The following NRG2 variants were observed in gnomAD, a reference collection of about 807,000 sequenced individuals.
The protein encoded by NRG2 is neuregulin 2.
In NRG2, 27 loss-of-function variants were observed where a neutral mutation model predicts 73.9. The ratio of observed to expected loss-of-function variants is 0.37; its 90% confidence interval spans 0.27 to 0.50. The LOEUF is 0.50. Ranked by LOEUF, NRG2 falls within the 20% of genes least tolerant of loss-of-function variation. NRG2 has a pLI of 0.96. For missense variants in NRG2, 1,126 were observed against 1,210.1 expected, an observed-to-expected ratio of 0.93 and a Z score of 1.03; for synonymous variants, 532 against 541.0, an observed-to-expected ratio of 0.98 and a Z score of 0.23.
chr5:139,956,148 C>T (rs962653075), intron 1 of NRG2, among the ~76,000 whole-genome samples: 1 of 152,112 alleles, frequency 6.6e-6, no homozygotes, highest in East Asian at 1.9e-4. Flanking sequence ...AACTCCCCCA[C>T]CCCATTCACA....
chr5:140,000,362 T>C (rs1423395736), intron 1 of NRG2, among the ~76,000 whole-genome samples: 1 of 152,230 alleles, frequency 6.6e-6, no homozygotes, highest in Admixed American at 6.5e-5. Flanking sequence ...GCTTTTGCAC[T>C]ACCCTTCCAG....
intron 1 of NRG2, among the ~76,000 whole-genome samples, chr5:140,029,242 A>T (rs1760943023): frequency 6.6e-6 from 1 of 152,238 alleles, no homozygotes; most frequent in Admixed American, 6.5e-5. Context: ...ACTCAAAAAA[A>T]TTAAGGGACT....
chr5:139,939,651 C>T (rs775409339), intron 1 of NRG2, among the ~76,000 whole-genome samples: 2 of 152,112 alleles, frequency 1.3e-5, no homozygotes, highest in African/African-American at 4.8e-5. Flanking sequence ...AAAACTTCTG[C>T]TCTTCAAGTG....
intron 1 of NRG2, among the ~76,000 whole-genome samples, chr5:139,911,006 T>TC (rs1034592668): frequency 6.6e-6 from 1 of 151,552 alleles, no homozygotes; most frequent in African/African-American, 2.4e-5. Flanking sequence ...GTGGGGAGCC[T>TC]CCCCTGGCTC....
At chr5:139,905,918 C>A (rs1765195888) in intron 1 of NRG2, among the ~76,000 whole-genome samples, 1 of 152,206 alleles carries the variant, frequency 6.6e-6, no homozygotes, top group Non-Finnish European at 1.5e-5. Flanking sequence ...TTGGTTCATT[C>A]CCTCTTCCTA....
At position 139,913,420 on chromosome 5, in the gene NRG2, C is replaced by T. The variant is rs1221851351; in HGVS notation, c.701-25909G>A. Among the ~76,000 whole-genome samples the T allele has an allele frequency of 3.9e-5, 6 of 152,306 alleles. No individual in the cohort carries two copies. The South Asian group carries it at 6.2e-4, about 16-fold the overall frequency. The stretch of plus-strand genomic sequence containing the variant: ...AATTGCTTGCATTGTTTTGGGTTTC[C>T]GACTGATGTCCAGTGGAGTACTTCC... On this transcript the variant is annotated intron_variant, in intron 1 of 9. Transcript: ENST00000361474.
chr5:140,025,770 C>T (rs1208259505), intron 1 of NRG2, among the ~76,000 whole-genome samples: 1 of 152,196 alleles, frequency 6.6e-6, no homozygotes, highest in African/African-American at 2.4e-5. Flanking sequence ...TCAAGTCACC[C>T]AGCAGTTGCT....
intron 1 of NRG2, among the ~76,000 whole-genome samples, chr5:140,015,517 A>G (rs1167692311): frequency 6.6e-6 from 1 of 152,202 alleles, no homozygotes; most frequent in Non-Finnish European, 1.5e-5. Context: ...CGGAGATTCC[A>G]TAAGTGTTGG....
At chr5:139,918,555 G>C (rs1385429510) in intron 1 of NRG2, among the ~76,000 whole-genome samples, 1 of 152,152 alleles carries the variant, frequency 6.6e-6, no homozygotes, top group Admixed American at 6.5e-5. Flanking sequence ...GGAAACTGAG[G>C]GTCCAAGATG....
At chr5:139,998,583 GT>G (rs1218416259) in intron 1 of NRG2, among the ~76,000 whole-genome samples, 1 of 152,166 alleles carries the variant, frequency 6.6e-6, no homozygotes, top group Non-Finnish European at 1.5e-5. Flanking sequence ...AATTCTCCAA[GT>G]TTGGTCTCTA....
intron 1 of NRG2, among the ~76,000 whole-genome samples, chr5:139,903,266 T>A (rs1037801838): frequency 3.3e-5 from 5 of 152,194 alleles, no homozygotes; most frequent in African/African-American, 1.2e-4. Context: ...CCCAGTCTTA[T>A]CTCTGGAACG....
Position 139,985,127 on chromosome 5 carries a change from AC to A in NRG2, c.700+57242del, listed in dbSNP as rs1056529114. On this transcript the variant is annotated intron_variant, in intron 1 of 9. Coordinates refer to ENST00000361474, the MANE Select transcript of NRG2 (RefSeq NM_004883.3). Reference sequence around the variant, plus strand: ...GGCTGAGGTAGATGGATCACTTGAAACCAGGAGTTTGAGACCAGCCTGGCCA... The same window carrying A: ...GGCTGAGGTAGATGGATCACTTGAAACAGGAGTTTGAGACCAGCCTGGCCA... 1.3e-4 allele frequency among the ~76,000 whole-genome samples: 19 copies of A among 151,914 alleles called. 1 individual carries two copies. The highest frequency in any genetic ancestry group is 6.8e-3 in the Middle Eastern group (2 of 294).
chr5:140,010,128 T>A (rs1278498365), intron 1 of NRG2, among the ~76,000 whole-genome samples: 1 of 152,058 alleles, frequency 6.6e-6, no homozygotes, highest in African/African-American at 2.4e-5. Context: ...TGAAACCCTG[T>A]CTCTACTAAA....
At chr5:139,897,472 G>A (rs1764618977) in intron 1 of NRG2, among the ~76,000 whole-genome samples, 1 of 152,004 alleles carries the variant, frequency 6.6e-6, no homozygotes, top group South Asian at 2.1e-4. Flanking sequence ...GACTTCCTGA[G>A]ACTTTCACAC....
At chr5:140,004,821 G>A (rs1758762451) in intron 1 of NRG2, among the ~76,000 whole-genome samples, 1 of 152,186 alleles carries the variant, frequency 6.6e-6, no homozygotes, top group Non-Finnish European at 1.5e-5. Flanking sequence ...TTAGTTAATA[G>A]TATTGTACCA....
At chr5:139,932,936 T>C (rs1032569156) in intron 1 of NRG2, among the ~76,000 whole-genome samples, 3 of 152,158 alleles carry the variant, frequency 2.0e-5, no homozygotes, top group African/African-American at 7.2e-5. Context: ...TAAATGTAAG[T>C]GGTCTGACTC....
At chr5:139,968,843 A>G (rs1460643889) in intron 1 of NRG2, among the ~76,000 whole-genome samples, 4 of 152,242 alleles carry the variant, frequency 2.6e-5, no homozygotes, top group South Asian at 4.1e-4. Flanking sequence ...ACCTTTCCAA[A>G]GCCCCTACAG....
At chr5:139,932,221 AGTGTGTGTGTGTGTGT>A (rs3056594) in intron 1 of NRG2, among the ~76,000 whole-genome samples, 54 of 141,460 alleles carry the variant, frequency 3.8e-4, no homozygotes, top group Non-Finnish European at 5.9e-4. Context: ...AAGAAAATGT[AGTGTGTGTGTGTGTGT>A]GTGTGTGTGT....
At chr5:140,031,742 G>A (rs543511852) in intron 1 of NRG2, among the ~76,000 whole-genome samples, 7 of 152,224 alleles carry the variant, frequency 4.6e-5, no homozygotes, top group South Asian at 2.1e-4. Context: ...AAGCAAGTGC[G>A]GCAAGGTGCT....
Sources: gnomAD v4.1 joint callset for allele counts (sites outside exome capture counted in the v4.1 genomes callset) on GRCh38, gnomAD v4.1.1 for gene constraint, MANE v1.5 for transcripts, NCBI Gene and HGNC (gene_info 2026-07-23, HGNC 2026-07-21) for gene names.